Variants in NELFA observed in about 807,000 individuals in gnomAD.
NELFA encodes negative elongation factor complex member A, also known as negative elongation factor A.
Under a neutral mutation model 51.8 loss-of-function variants are expected in NELFA, and 35 were observed. The ratio of observed to expected loss-of-function variants is 0.68; its 90% CI spans 0.52 to 0.90. The LOEUF is 0.90. Among genes scored for constraint, NELFA ranks in the 40% least tolerant of loss-of-function variants. NELFA has a pLI of 0.00. For missense variants in NELFA, 658 were observed against 746.4 expected (o/e 0.88, Z 1.38); for synonymous variants, 417 against 338.4 (o/e 1.23, Z -2.55).
Position 1,986,284 on chromosome 4 carries a change from T to C in NELFA, c.753A>G (p.Glu251=). 6.3e-7 allele frequency: 1 copy of C among 1,583,618 alleles called. No individual in the cohort carries two copies. The highest frequency in any genetic ancestry group is 8.6e-7 in the Non-Finnish European group (1 of 1,164,682). Residue 251 remains glutamate, a synonymous_variant, in exon 5 of 11, where the codon GAA becomes GAG. Transcript: ENST00000382882. ...GGGACGGGCCTACCTTCACACCTCGTTCCTTCCGCAGCAGCGTCCTGGAAG... is the reference window on the plus strand; with the variant it reads ...GGGACGGGCCTACCTTCACACCTCGCTCCTTCCGCAGCAGCGTCCTGGAAG... The part of the protein sequence containing the change: ...IPPSRTLLRK[E]RGVKLLDISE...
intron 2 of NELFA, among the ~76,000 whole-genome samples, 197 bp downstream of exon 2, chr4:1,991,347 T>C (rs905031863): frequency 1.3e-5 from 2 of 151,978 alleles, no homozygotes; most frequent in South Asian, 2.1e-4. Context: ...TGTGGGCTGT[T>C]TGGAGTTTGT....
In NELFA at chr4:1,984,860, C is replaced by T. The variant is rs746926808; in HGVS notation, c.984G>A (p.Thr328=). Residue 328 remains threonine, a synonymous_variant, in exon 8 of 11, where the codon ACG becomes ACA. Transcript: ENST00000382882. The part of the protein sequence containing the change: ...ALPSTSYLPS[T]PSVVPASSYI... Reference sequence around the variant, plus strand: ...AGGAGGAGGCGGGAACCACGCTGGGCGTGGAGGGAAGGTAGCTCGTGGAGG... The same window carrying T: ...AGGAGGAGGCGGGAACCACGCTGGGTGTGGAGGGAAGGTAGCTCGTGGAGG... The T allele has an allele frequency of 2.2e-5, 35 of 1,579,830 alleles. No homozygotes were observed. The East Asian group carries it at 4.4e-4, about 20-fold the overall frequency.
intron 1 of NELFA, among the ~76,000 whole-genome samples, chr4:1,995,339 CTG>C (rs1033988331): frequency 6.6e-6 from 1 of 152,202 alleles, no homozygotes; most frequent in Non-Finnish European, 1.5e-5. Flanking sequence ...GACTGATACA[CTG>C]TGGAACACAT....
intron 1 of NELFA, chr4:2,007,829 C>T: frequency 2.7e-6 from 1 of 372,808 alleles, no homozygotes; most frequent in South Asian, 2.0e-5. Flanking sequence ...CAATTACAAC[C>T]TATAATAGCT....
rs573937601 is a variant in NELFA, at chr4:1,998,522, C to T, written c.211-6807G>A. ...TGAGTCATCCGCAAGTATTAACAGCCGAATCCACAAAGCGGAACAAAGGAT... is the reference window on the plus strand; with the variant it reads ...TGAGTCATCCGCAAGTATTAACAGCTGAATCCACAAAGCGGAACAAAGGAT... On this transcript the variant is annotated intron_variant, in intron 1 of 10. Transcript: ENST00000382882. Among the ~76,000 whole-genome samples, 30 of 152,074 alleles carry T rather than the reference C, an allele frequency of 2.0e-4. No homozygotes were observed. In the South Asian group the frequency reaches 2.7e-3, roughly 14 times the overall value.
chr4:1,997,001 C>G (rs895397141), intron 1 of NELFA, among the ~76,000 whole-genome samples: 2 of 152,114 alleles, frequency 1.3e-5, no homozygotes, highest in Non-Finnish European at 2.9e-5. Context: ...GCAGTCTTAG[C>G]TGCTCAGGAA....
chr4:1,988,039 C>T, intron 3 of NELFA, 32 bp from the exon 4 acceptor site: 1 of 1,583,598 alleles, frequency 6.3e-7, no homozygotes, highest in Non-Finnish European at 8.6e-7. Flanking sequence ...TGTCAGGGAT[C>T]CTCAGAGCGA....
At chr4:1,993,057 C>G (rs1325333414) in intron 1 of NELFA, among the ~76,000 whole-genome samples, 1 of 152,252 alleles carries the variant, frequency 6.6e-6, no homozygotes, top group Non-Finnish European at 1.5e-5. Context: ...CTGCCTCTGG[C>G]AGCCGCACAG....
Position 1,984,881 on chromosome 4 carries a change from G to A in NELFA, c.963C>T (p.Ser321=). 2 of 1,579,934 alleles carry A rather than the reference G, an allele frequency of 1.3e-6. No individual in the cohort carries two copies. Among genetic ancestry groups the A allele is most frequent in the Non-Finnish European group, 1.7e-6 (2 of 1,162,132 alleles). ...TGGGCGTGGAGGGAAGGTAGCTCGT[G>A]GAGGGCAGCGCAGGCTCATTGTTCA... The part of the protein sequence containing the change: ...GSLNNEPALP[S]TSYLPSTPSV... Residue 321 remains serine (S), a synonymous_variant, in exon 8 of 11, where the codon TCC becomes TCT. Transcript: ENST00000382882.
chr4:1,990,477 G>A (rs1273756758), intron 2 of NELFA: 4 of 456,570 alleles, frequency 8.8e-6, no homozygotes, highest in Admixed American at 2.3e-5. Context: ...TCCTGCCCGC[G>A]GGACACTCCT....
chr4:2,001,705 C>A (rs1281293502), intron 1 of NELFA, among the ~76,000 whole-genome samples: 1 of 151,704 alleles, frequency 6.6e-6, no homozygotes, highest in South Asian at 2.1e-4. Flanking sequence ...GAGTTTGAGA[C>A]CAGCCTGGCC....
chr4:1,999,462 T>C (rs1728516506), intron 1 of NELFA, among the ~76,000 whole-genome samples: 2 of 151,328 alleles, frequency 1.3e-5, no homozygotes, highest in South Asian at 4.2e-4. Flanking sequence ...TTCAAGCAAA[T>C]GGAAAGCAAA....
chr4:1,991,487 T>C, intron 2 of NELFA, 57 bp downstream of exon 2: 1 of 1,580,544 alleles, frequency 6.3e-7, no homozygotes, highest in East Asian at 2.2e-5. Context: ...AGAAAAAAAT[T>C]TTTCAAGAAA....
rs1727962535 is a variant in NELFA at position 1,983,486 on chromosome 4, G to C, written c.1420C>G (p.Gln474Glu). The C allele has an allele frequency of 1.2e-6, 2 of 1,613,930 alleles. No individual in the cohort carries two copies. The highest frequency in any genetic ancestry group is 2.2e-5 in the South Asian group (2 of 91,094). ...AGSRENPCQEQGDVIQIKLSE... is the reference protein window; with the variant it reads ...AGSRENPCQEEGDVIQIKLSE... ...AGCTTGATCTGGATCACGTCCCCCT[G>C]CTCCTGGCACGGGTTCTCTGCAGAG... is the stretch of plus-strand genomic sequence containing the variant. Residue 474 changes from glutamine to glutamate, a missense_variant, in exon 11 of 11, where the codon CAG (glutamine) becomes GAG (glutamate). Physicochemically the swap from Gln to Glu is conservative, Grantham distance 29. Transcript: ENST00000382882.
At chr4:1,996,181 C>G (rs1728417386) in intron 1 of NELFA, among the ~76,000 whole-genome samples, 1 of 152,132 alleles carries the variant, frequency 6.6e-6, no homozygotes, top group Non-Finnish European at 1.5e-5. Flanking sequence ...TAAAATAAAC[C>G]ATATTCTCTG....
Position 1,983,357 on chromosome 4 carries a change from G to A in NELFA, c.1549C>T (p.Arg517Cys), listed in dbSNP as rs147798651. Reference sequence around the variant, plus strand: ...GTCATGGGCTTGTACTTCTTGAAGCGCGTCCACTGGCCCGTGGCATAGTTC... The same window carrying A: ...GTCATGGGCTTGTACTTCTTGAAGCACGTCCACTGGCCCGTGGCATAGTTC... ...EMNYATGQWTRFKKYKPMTNV... is the reference protein window; with the variant it reads ...EMNYATGQWTCFKKYKPMTNV... Residue 517 changes from arginine (R) to cysteine (C), a missense_variant, in exon 11 of 11, where the codon CGC becomes TGC. By Grantham distance (180) the Arg-to-Cys change is radical. Transcript: ENST00000382882. 4.3e-6 allele frequency: 7 copies of A among 1,614,066 alleles called. No individual in the cohort carries two copies. The highest frequency in any genetic ancestry group is 1.3e-5 in the African/African-American group (1 of 74,934).
chr4:1,993,828 G>A (rs187020106), intron 1 of NELFA, among the ~76,000 whole-genome samples: 1 of 137,208 alleles, frequency 7.3e-6, no homozygotes, highest in Non-Finnish European at 1.5e-5. Context: ...ACAGAGTCTC[G>A]CTGTTGTCGT....
At chr4:2,004,172 A>C (rs2109068662) in intron 1 of NELFA, 1 of 152,280 alleles carries the variant, frequency 6.6e-6, no homozygotes, top group East Asian at 1.9e-4. Flanking sequence ...AAAAGAAAAA[A>C]AAAGAAGAAG....
At chr4:1,994,125 T>C (rs1334178307) in intron 1 of NELFA, among the ~76,000 whole-genome samples, 1 of 152,026 alleles carries the variant, frequency 6.6e-6, no homozygotes, top group East Asian at 1.9e-4. Flanking sequence ...TAGGGCCGGG[T>C]ATAGTGGCTC....
Sources: gnomAD v4.1 joint callset for allele counts (sites outside exome capture counted in the v4.1 genomes callset) on GRCh38, gnomAD v4.1.1 for gene constraint, MANE v1.5 for transcripts, NCBI Gene and HGNC (gene_info 2026-07-23, HGNC 2026-07-21) for gene names.